PLEKHG1: variants seen among roughly 807,000 people sequenced by gnomAD.
The protein encoded by PLEKHG1 is pleckstrin homology and RhoGEF domain containing G1.
In PLEKHG1, 44 loss-of-function variants were observed where a neutral mutation model predicts 100.8. The ratio of observed to expected loss-of-function variants is 0.44; its 90% CI spans 0.34 to 0.56. PLEKHG1 has a LOEUF of 0.56. Ranked by LOEUF, PLEKHG1 falls within the 20% of genes least tolerant of loss-of-function variation. PLEKHG1 has a pLI of 0.01. For missense variants in PLEKHG1, 1,545 were observed against 1,720.9 expected, an observed-to-expected ratio of 0.90 and a Z score of 1.81; for synonymous variants, 640 against 662.5, an observed-to-expected ratio of 0.97 and a Z score of 0.52.
At chr6:150,643,173 G>A (rs916053802) in intron 2 of PLEKHG1, among the ~76,000 whole-genome samples, 6 of 152,040 alleles carry the variant, frequency 3.9e-5, no homozygotes, top group Admixed American at 3.3e-4. Context: ...TCCTTTGCCA[G>A]GTAACTATGC....
intron 2 of PLEKHG1, among the ~76,000 whole-genome samples, chr6:150,643,266 T>C (rs1164619275): frequency 6.6e-6 from 1 of 152,244 alleles, no homozygotes; most frequent in East Asian, 1.9e-4. Context: ...TGTTGAGTTC[T>C]TGCTGTTTGT....
Position 150,683,499 on chromosome 6 carries a change from CGT to C in PLEKHG1, c.-99+32725_-99+32726del, listed in dbSNP as rs994071009. 1.1e-3 allele frequency: 231 copies of C among 202,796 alleles called. No homozygotes were observed. Among genetic ancestry groups the C allele is most frequent in the Middle Eastern group, 3.8e-3 (2 of 526 alleles). 12.6% of individuals were successfully genotyped at this position (202,796 alleles called of 1,614,324 possible). Reference sequence around the variant, plus strand: ...CGCAGCAGGTCCGGTGAAGGAAGCACGTGTGTGTGTGTGGAAGGGTGGCGCTG... The same window carrying C: ...CGCAGCAGGTCCGGTGAAGGAAGCACGTGTGTGTGTGGAAGGGTGGCGCTG... On this transcript the variant is annotated intron_variant, in intron 3 of 3. Coordinates refer to the PLEKHG1 transcript ENST00000367326. The surrounding 1 kb of genome is among the most constrained non-coding windows in gnomAD (Gnocchi z 4.0).
chr6:150,610,248 C>T (rs1327539666), intron 1 of PLEKHG1, among the ~76,000 whole-genome samples: 10 of 152,162 alleles, frequency 6.6e-5, no homozygotes, highest in Non-Finnish European at 1.2e-4. Flanking sequence ...ATTACAGGCA[C>T]CTGCCACCAT....
At chr6:150,694,506 C>A (rs1053777099) in intron 3 of PLEKHG1, among the ~76,000 whole-genome samples, 1 of 151,952 alleles carries the variant, frequency 6.6e-6, no homozygotes, top group African/African-American at 2.4e-5. Context: ...TGGAGACCAG[C>A]CTTGTCAACA....
intron 2 of PLEKHG1, among the ~76,000 whole-genome samples, chr6:150,737,188 G>C (rs1180493253): frequency 6.6e-6 from 1 of 151,950 alleles, no homozygotes; most frequent in East Asian, 1.9e-4. Context: ...AGAGTGGCTA[G>C]ACCACTTTTA....
chr6:150,726,075 A>T (rs1180455075), intron 1 of PLEKHG1, among the ~76,000 whole-genome samples: 1 of 152,178 alleles, frequency 6.6e-6, no homozygotes, highest in African/African-American at 2.4e-5. Flanking sequence ...TCAAACTCAT[A>T]CAAGAAAAGA....
intron 6 of PLEKHG1, among the ~76,000 whole-genome samples, chr6:150,802,340 G>A (rs1786760440): frequency 6.6e-6 from 1 of 152,130 alleles, no homozygotes; most frequent in African/African-American, 2.4e-5. Flanking sequence ...AATAATATTT[G>A]TCTCAGGACA....
intron 3 of PLEKHG1, among the ~76,000 whole-genome samples, chr6:150,777,466 G>C: frequency 6.8e-6 from 1 of 147,392 alleles, no homozygotes; most frequent in East Asian, 2.0e-4. Flanking sequence ...CAGCCACACT[G>C]ATGCAATCCT....
chr6:150,717,363 A>G (rs986969812), upstream of PLEKHG1, among the ~76,000 whole-genome samples: 4 of 151,674 alleles, frequency 2.6e-5, no homozygotes, highest in African/African-American at 9.7e-5. Flanking sequence ...TTTTGTAGAG[A>G]TGGAGTCTCG....
At chr6:150,827,013 CT>C (rs1324685545) in intron 14 of PLEKHG1, among the ~76,000 whole-genome samples, 2 of 148,528 alleles carry the variant, frequency 1.3e-5, no homozygotes, top group African/African-American at 5.0e-5. Flanking sequence ...CCTTTCCTTC[CT>C]TTATTTCCTT....
chr6:150,810,386 G>A (rs1787421623), intron 10 of PLEKHG1, among the ~76,000 whole-genome samples: 1 of 151,132 alleles, frequency 6.6e-6, no homozygotes, highest in Admixed American at 6.6e-5. Context: ...AGCCACCCGA[G>A]TAGCTGGGAC....
At chr6:150,788,864 C>T (rs745799482) in intron 4 of PLEKHG1, among the ~76,000 whole-genome samples, 3 of 152,044 alleles carry the variant, frequency 2.0e-5, no homozygotes, top group Non-Finnish European at 4.4e-5. Flanking sequence ...TGTGTGTGCA[C>T]ACACACACGC....
chr6:150,762,007 G>A (rs1476830552), intron 2 of PLEKHG1, among the ~76,000 whole-genome samples: 2 of 152,074 alleles, frequency 1.3e-5, no homozygotes, highest in African/African-American at 4.8e-5. Flanking sequence ...GGCCATTCCT[G>A]ACATTTTTTA....
chr6:150,724,742 T>C (rs1039985499), intron 1 of PLEKHG1, among the ~76,000 whole-genome samples: 1 of 152,004 alleles, frequency 6.6e-6, no homozygotes, highest in Non-Finnish European at 1.5e-5. Flanking sequence ...GTATTTTTAG[T>C]AGAGACGGGG....
chr6:150,632,649 G>A (rs2128562420), intron 1 of PLEKHG1, among the ~76,000 whole-genome samples: 1 of 152,218 alleles, frequency 6.6e-6, no homozygotes, highest in African/African-American at 2.4e-5. Flanking sequence ...TTATTCAGGA[G>A]CAAAAAACAA....
chr6:150,637,086 A>G (rs1373609828), intron 1 of PLEKHG1, among the ~76,000 whole-genome samples: 2 of 152,246 alleles, frequency 1.3e-5, no homozygotes, highest in Non-Finnish European at 2.9e-5. Context: ...CCAATTAGCT[A>G]GACTCTGCCT....
rs565121317 is a variant in PLEKHG1, at chr6:150,628,527, AACACACACACAC to A, written c.-203-9514_-203-9503del. On this transcript the variant is annotated intron_variant, in intron 1 of 3. Transcript: ENST00000367326. ...TTTTGGGATGGTATGTAGATAGGAAAACACACACACACACACACACACACACACACACACACA... is the reference window on the plus strand; with the variant it reads ...TTTTGGGATGGTATGTAGATAGGAAAACACACACACACACACACACACACA... Among the ~76,000 whole-genome samples, 127 of 94,786 alleles carry A rather than the reference AACACACACACAC, an allele frequency of 1.3e-3. 1 individual carries two copies. The highest frequency in any genetic ancestry group is 3.8e-3 in the Admixed American group (30 of 7,802). 62.2% of individuals were successfully genotyped at this position (94,786 alleles called of 152,430 possible).
chr6:150,661,955 A>C (rs1298064562), intron 3 of PLEKHG1, among the ~76,000 whole-genome samples: 2 of 152,186 alleles, frequency 1.3e-5, no homozygotes, highest in East Asian at 1.9e-4. Context: ...GATTTGAAAT[A>C]AACAATAAGG....
At chr6:150,761,173 A>G (rs1210819119) in intron 2 of PLEKHG1, among the ~76,000 whole-genome samples, 2 of 135,550 alleles carry the variant, frequency 1.5e-5, no homozygotes, top group Non-Finnish European at 3.0e-5. Context: ...TGGCACAATC[A>G]TGGCTCACTG....
Sources: allele counts gnomAD v4.1 joint callset (sites outside exome capture counted in the v4.1 genomes callset), GRCh38; gene constraint gnomAD v4.1.1; non-coding constraint Gnocchi (gnomAD v3.1); transcripts MANE v1.5; gene names NCBI Gene and HGNC (gene_info 2026-07-23, HGNC 2026-07-21).